DPP6: variants seen among roughly 807,000 people sequenced by gnomAD.
DPP6 encodes dipeptidyl peptidase like 6, also known as A-type potassium channel modulatory protein DPP6.
Under a neutral mutation model 122.6 loss-of-function variants are expected in DPP6, and 69 were observed. The observed-to-expected ratio is 0.56, with a 90% confidence interval of 0.46 to 0.69. The LOEUF (loss-of-function observed/expected upper bound fraction) is 0.69, where lower values mean the gene tolerates loss of function less well. DPP6 is among the 30% of genes least tolerant of loss of function. The pLI, the probability that DPP6 is intolerant of heterozygous loss-of-function variation, is 0.00. For missense variants in DPP6, 928 were observed against 1,116.9 expected (o/e 0.83, Z 2.41); for synonymous variants, 418 against 433.1 (o/e 0.97, Z 0.43).
intron 1 of DPP6, among the ~76,000 whole-genome samples, chr7:154,374,697 C>T (rs371147326): frequency 3.5e-4 from 53 of 150,944 alleles, no homozygotes; most frequent in Middle Eastern, 6.9e-3. Context: ...CTGCAACTTC[C>T]GACTCCTGGG....
chr7:153,757,832 G>A, the DPP6 span, among the ~76,000 whole-genome samples: 3 of 152,266 alleles, frequency 2.0e-5, no homozygotes, highest in South Asian at 6.2e-4. Flanking sequence ...TGTGGTGCAT[G>A]CCTGTAGTCC....
In DPP6 at chr7:154,777,084, T is replaced by G. The variant is rs1568897; in HGVS notation, c.1136+4142T>G. ...CAGATGCAGGGAGAGTTAAGTCTGCTCTTTCAAATCTTTGCATTGGCAAGC... is the reference window on the plus strand; with the variant it reads ...CAGATGCAGGGAGAGTTAAGTCTGCGCTTTCAAATCTTTGCATTGGCAAGC... On this transcript the variant is annotated intron_variant, in intron 10 of 25. Coordinates refer to ENST00000377770, the MANE Select transcript of DPP6 (RefSeq NM_130797.4). Among the ~76,000 whole-genome samples, 17 of 152,286 alleles carry G rather than the reference T, an allele frequency of 1.1e-4. No individual in the cohort carries two copies. In the East Asian group the frequency reaches 2.7e-3, roughly 24 times the overall value.
chr7:153,900,598 G>A (rs992463859), intron 1 of DPP6, among the ~76,000 whole-genome samples: 1 of 152,046 alleles, frequency 6.6e-6, no homozygotes, highest in East Asian at 1.9e-4. Context: ...AATGAGTAAC[G>A]GGATGACTAA....
intron 1 of DPP6, among the ~76,000 whole-genome samples, chr7:154,310,651 C>T (rs140376862): frequency 1.8e-4 from 28 of 152,284 alleles, no homozygotes; most frequent in African/African-American, 6.3e-4. Context: ...TACTCAAAAC[C>T]TTCAAATGCT....
intron 16 of DPP6, among the ~76,000 whole-genome samples, chr7:154,841,074 G>A (rs964833561): frequency 5.9e-5 from 9 of 152,142 alleles, no homozygotes; most frequent in East Asian, 5.8e-4. Flanking sequence ...TTAATTGCTC[G>A]GATCGAAAGT....
At chr7:154,304,594 T>A (rs1416423843) in intron 1 of DPP6, among the ~76,000 whole-genome samples, 1 of 152,024 alleles carries the variant, frequency 6.6e-6, no homozygotes, top group Admixed American at 6.6e-5. Context: ...TCTCTCCCTG[T>A]CTTTCTTTTA....
At chr7:154,511,336 T>G (rs144722983) in intron 3 of DPP6, among the ~76,000 whole-genome samples, 1,720 of 152,318 alleles carry the variant, frequency 0.011, 42 homozygotes, top group African/African-American at 0.037. Flanking sequence ...TAACTTATTC[T>G]TAGTCATGCC....
intron 1 of DPP6, among the ~76,000 whole-genome samples, chr7:153,931,919 G>A (rs1399841921): frequency 1.3e-5 from 2 of 152,070 alleles, no homozygotes; most frequent in East Asian, 1.9e-4. Context: ...TTCGTGCACC[G>A]GCTAATTTAT....
At chr7:153,897,624 T>A (rs1418281465) in intron 1 of DPP6, among the ~76,000 whole-genome samples, 1 of 152,228 alleles carries the variant, frequency 6.6e-6, no homozygotes, top group Non-Finnish European at 1.5e-5. Flanking sequence ...TAGTCTCTTT[T>A]CTAGGGAAAA....
At chr7:153,838,913 C>T in the DPP6 span, among the ~76,000 whole-genome samples, 2 of 152,164 alleles carry the variant, frequency 1.3e-5, no homozygotes, top group African/African-American at 2.4e-5. Flanking sequence ...ATTCCTGGCA[C>T]GTGAATGATA....
intron 6 of DPP6, among the ~76,000 whole-genome samples, chr7:154,641,339 A>G (rs1268963330): frequency 6.6e-6 from 1 of 152,246 alleles, no homozygotes; most frequent in Non-Finnish European, 1.5e-5. Flanking sequence ...TGCCTTTTAC[A>G]ACAAATCTAT....
intron 3 of DPP6, among the ~76,000 whole-genome samples, chr7:154,494,600 A>G (rs117983930): frequency 6.6e-6 from 1 of 151,998 alleles, no homozygotes; most frequent in Non-Finnish European, 1.5e-5. Flanking sequence ...AAATTTCATG[A>G]TAGCTTTCTC....
At position 154,634,011 on chromosome 7, in the gene DPP6, C is replaced by CT. The variant is rs530757614; in HGVS notation, c.628-3798dup. Among the ~76,000 whole-genome samples the CT allele has an allele frequency of 5.0e-3, 669 of 134,372 alleles. 11 individuals are homozygous for CT. The highest frequency in any genetic ancestry group is 0.032 in the Admixed American group (426 of 13,444). 88.2% of individuals were successfully genotyped at this position (134,372 alleles called of 152,430 possible). A position where few individuals can be genotyped will look rare whatever the true frequency, so the allele number is the denominator to read the frequency against. ...TTGTTTCAGCCTTTCTTTTTTTTTT[C>CT]TTTTTTTTTTTTAATTATACTTTAA... On this transcript the variant is annotated intron_variant, in intron 5 of 25. Coordinates refer to ENST00000377770, the MANE Select transcript of DPP6 (RefSeq NM_130797.4).
chr7:153,954,875 T>C (rs77667016), intron 1 of DPP6, among the ~76,000 whole-genome samples: 311 of 152,318 alleles, frequency 2.0e-3, no homozygotes, highest in Non-Finnish European at 3.5e-3. Context: ...TCTAAATGCA[T>C]ATATCCTCTT....
chr7:153,929,692 G>A (rs1200375243), intron 1 of DPP6, among the ~76,000 whole-genome samples: 4 of 152,124 alleles, frequency 2.6e-5, no homozygotes, highest in African/African-American at 7.2e-5. Flanking sequence ...AATGAGTGCC[G>A]TACTGCACAC....
intron 1 of DPP6, among the ~76,000 whole-genome samples, chr7:154,278,482 A>G (rs544616230): frequency 1.3e-5 from 2 of 152,348 alleles, no homozygotes; most frequent in South Asian, 4.1e-4. Flanking sequence ...GACGATGGAA[A>G]TATAGAAGCA....
intron 1 of DPP6, among the ~76,000 whole-genome samples, chr7:154,438,469 C>CAAAAAAAAAAAAAAAAAAAA (rs58978160): frequency 5.3e-5 from 2 of 37,472 alleles, no homozygotes; most frequent in African/African-American, 8.7e-5. Context: ...GACTCCAACT[C>CAAAAAAAAAAAAAAAAAAAA]AAAAAAAAAA....
chr7:154,133,107 G>A (rs1795371367), intron 1 of DPP6, among the ~76,000 whole-genome samples: 1 of 152,108 alleles, frequency 6.6e-6, no homozygotes, highest in South Asian at 2.1e-4. Context: ...TCTGGGACAG[G>A]AATGTGTCAG....
chr7:153,996,490 T>C (rs1797441944), intron 1 of DPP6, among the ~76,000 whole-genome samples: 1 of 151,676 alleles, frequency 6.6e-6, no homozygotes, highest in Non-Finnish European at 1.5e-5. Flanking sequence ...TCCATGTCTG[T>C]CCAATTCCCC....
Sources: allele counts gnomAD v4.1 joint callset (sites outside exome capture counted in the v4.1 genomes callset), GRCh38; gene constraint gnomAD v4.1.1; transcripts MANE v1.5; gene names NCBI Gene and HGNC (gene_info 2026-07-23, HGNC 2026-07-21).